Variants in BRSK2 observed in about 807,000 individuals in gnomAD.
The protein encoded by BRSK2 is serine/threonine-protein kinase BRSK2.
In BRSK2, 19 loss-of-function variants were observed where a neutral mutation model predicts 83.3. The observed-to-expected ratio is 0.23, with a 90% CI of 0.16 to 0.33. BRSK2 has a LOEUF of 0.33. Ranked by LOEUF, BRSK2 falls within the 10% of genes least tolerant of loss-of-function variation. The pLI is 1.00. For missense variants in BRSK2, 798 were observed against 1,042.3 expected (o/e 0.77, Z 3.23); for synonymous variants, 519 against 435.4 (o/e 1.19, Z -2.39).
intron 8 of BRSK2, among the ~76,000 whole-genome samples, chr11:1,444,732 C>T (rs1033836025): frequency 6.6e-6 from 1 of 151,800 alleles, no homozygotes; most frequent in Non-Finnish European, 1.5e-5. Flanking sequence ...GACTTCTCTC[C>T]TCCTTGAGGT....
chr11:1,437,399 A>G (rs1374659653), intron 2 of BRSK2, among the ~76,000 whole-genome samples: 3 of 152,172 alleles, frequency 2.0e-5, no homozygotes, highest in Non-Finnish European at 4.4e-5. Context: ...CACTGGCCCC[A>G]CCACTGACAC....
intron 2 of BRSK2, among the ~76,000 whole-genome samples, chr11:1,437,130 C>T (rs11027462): frequency 0.41 from 62,563 of 151,710 alleles, 13,364 homozygotes; most frequent in Middle Eastern, 0.49. Context: ...AGATCCAGTG[C>T]GGGGCGTAGC....
intron 1 of BRSK2, among the ~76,000 whole-genome samples, chr11:1,413,800 G>C (rs1007109765): frequency 4.6e-5 from 7 of 152,214 alleles, no homozygotes; most frequent in Admixed American, 4.6e-4. Flanking sequence ...CCATCTCTGG[G>C]GGCATCAGTG....
In BRSK2 at chr11:1,449,846, C is replaced by T. The variant is rs749325022; in HGVS notation, c.1287+10C>T. The T allele has an allele frequency of 2.5e-6, 4 of 1,602,136 alleles. No homozygotes were observed. Among genetic ancestry groups the T allele is most frequent in the Admixed American group, 1.7e-5 (1 of 59,850 alleles). On this transcript the variant is annotated intron_variant, in intron 13 of 19. Transcript: ENST00000528841. The stretch of plus-strand genomic sequence containing the variant: ...ACTCAGCAGCCCCCGGGTGAGTGAC[C>T]CCCCGCCCCCACCCAGCTCGGATGC...
rs1845665019 is a variant in BRSK2 at position 1,390,634 on chromosome 11, G to A, written c.91+259G>A. Among the ~76,000 whole-genome samples, 1 of 146,830 alleles carries A rather than the reference G, an allele frequency of 6.8e-6. No homozygotes were observed. Among genetic ancestry groups the A allele is most frequent in the South Asian group, 2.1e-4 (1 of 4,698 alleles). ...GCGCGGGGCGCGCAGGCGGACAGGGGCGCACGGGACGGCGCCCCTCGGGCC... is the reference window on the plus strand; with the variant it reads ...GCGCGGGGCGCGCAGGCGGACAGGGACGCACGGGACGGCGCCCCTCGGGCC... On this transcript the variant is annotated intron_variant, in intron 1 of 19. Coordinates refer to ENST00000528841, the MANE Select transcript of BRSK2 (RefSeq NM_001256627.2). This position sits in a 1 kb window ranked among gnomAD's most constrained non-coding sequence, Gnocchi z 6.8.
intron 1 of BRSK2, among the ~76,000 whole-genome samples, chr11:1,426,241 C>G (rs542458996): frequency 1.3e-5 from 1 of 75,760 alleles, no homozygotes; most frequent in Non-Finnish European, 2.5e-5. Flanking sequence ...GGGCGTGCTC[C>G]GGGGATGTGT....
intron 1 of BRSK2, chr11:1,411,769 G>A (rs1847530795): frequency 3.1e-6 from 4 of 1,301,872 alleles, no homozygotes; most frequent in Admixed American, 2.3e-5. Context: ...AGGGCCAGCT[G>A]TGCGGGTTCC....
chr11:1,399,311 A>G (rs187976925), intron 1 of BRSK2, among the ~76,000 whole-genome samples: 6,369 of 152,124 alleles, frequency 0.042, 155 homozygotes, highest in Middle Eastern at 0.12. Context: ...GGGTGGTGCC[A>G]GGGGGTTGCT....
chr11:1,449,657 G>C (rs1385052333), intron 12 of BRSK2, 119 bp from the exon 13 acceptor site: 5 of 807,580 alleles, frequency 6.2e-6, no homozygotes, highest in South Asian at 1.8e-5. Context: ...CCAGGGCCTC[G>C]AGGCTCTTGG....
intron 18 of BRSK2, among the ~76,000 whole-genome samples, chr11:1,458,359 G>C (rs1021408136): frequency 3.3e-5 from 5 of 152,150 alleles, no homozygotes; most frequent in Non-Finnish European, 7.4e-5. Context: ...CCACTGCAGA[G>C]GCTCTTGGGG....
chr11:1,444,248 G>A (rs990302573), intron 8 of BRSK2, among the ~76,000 whole-genome samples: 1 of 152,158 alleles, frequency 6.6e-6, no homozygotes, highest in Admixed American at 6.5e-5. Context: ...AGCTGTGGGG[G>A]CTAGCAAGAG....
intron 1 of BRSK2, among the ~76,000 whole-genome samples, chr11:1,433,186 G>T (rs1323922260): frequency 2.6e-5 from 4 of 152,238 alleles, no homozygotes; most frequent in Non-Finnish European, 5.9e-5. Flanking sequence ...TGCCCTTGGT[G>T]GCTGTGCCCT....
At chr11:1,426,222 ATGTGTGTGGGG>A (rs1371927761) in intron 1 of BRSK2, among the ~76,000 whole-genome samples, 17 of 91,976 alleles carry the variant, frequency 1.8e-4, no homozygotes, top group Non-Finnish European at 3.5e-4. Flanking sequence ...GGCACTGGGG[ATGTGTGTGGGG>A]CGTGCTCCGG....
At position 1,460,915 on chromosome 11, in the gene BRSK2, T is replaced by C. The variant is rs1847423176; in HGVS notation, c.*192T>C. ...ACCCGCGCCCGCTCTCTTTTCTCTC[T>C]GTCTCTGCCTCTGCCTGTCTCTGAC... On this transcript the variant is annotated 3_prime_UTR_variant, in exon 20 of 20. Coordinates refer to ENST00000528841, the MANE Select transcript of BRSK2 (RefSeq NM_001256627.2). 13 of 1,611,064 alleles carry C rather than the reference T, an allele frequency of 8.1e-6. No homozygotes were observed. In the East Asian group the frequency reaches 1.8e-4, roughly 22 times the overall value.
intron 3 of BRSK2, 77 bp from the exon 4 acceptor site, chr11:1,440,711 G>T: frequency 6.7e-7 from 1 of 1,496,952 alleles, no homozygotes; most frequent in Non-Finnish European, 8.9e-7. Context: ...GCCAGGAGGC[G>T]GCTGTGGGAG....
chr11:1,458,085 G>T (rs774429143), intron 18 of BRSK2, among the ~76,000 whole-genome samples: 16 of 152,142 alleles, frequency 1.1e-4, no homozygotes, highest in Non-Finnish European at 1.8e-4. Flanking sequence ...GCCAGGGAAC[G>T]ACAGGGCAGC....
chr11:1,408,932 GTGTA>G (rs1296898661), intron 1 of BRSK2, among the ~76,000 whole-genome samples: 1 of 151,610 alleles, frequency 6.6e-6, no homozygotes, highest in Non-Finnish European at 1.5e-5. Context: ...GGGTGTGTGT[GTGTA>G]TGTATCTGTA....
intron 1 of BRSK2, among the ~76,000 whole-genome samples, chr11:1,396,275 C>T (rs531716779): frequency 2.0e-5 from 3 of 151,570 alleles, no homozygotes; most frequent in Non-Finnish European, 2.9e-5. Context: ...CTTCCACCCA[C>T]GTCCCCCACT....
intron 19 of BRSK2, 52 bp downstream of exon 19, chr11:1,459,291 A>AC (rs748033553): frequency 1.0e-5 from 16 of 1,603,268 alleles, no homozygotes; most frequent in Non-Finnish European, 1.2e-5. Context: ...TTCACCGCTC[A>AC]CCCTCAGCCC....
Sources: allele counts gnomAD v4.1 joint callset (sites outside exome capture counted in the v4.1 genomes callset), GRCh38; gene constraint gnomAD v4.1.1; non-coding constraint Gnocchi (gnomAD v3.1); transcripts MANE v1.5; gene names NCBI Gene and HGNC (gene_info 2026-07-23, HGNC 2026-07-21).